The following INTS3 variants were observed in gnomAD, a reference collection of about 807,000 sequenced individuals.
INTS3 encodes the protein SOSS complex subunit A.
A neutral mutation model predicts 146.3 loss-of-function variants in INTS3; 34 were observed. The ratio of observed to expected loss-of-function variants is 0.23; its 90% CI spans 0.18 to 0.31. The LOEUF (loss-of-function observed/expected upper bound fraction) is 0.31. Ranked by LOEUF, INTS3 falls within the 10% of genes least tolerant of loss-of-function variation. The pLI, the probability that INTS3 is intolerant of heterozygous loss-of-function variation, is 1.00. For synonymous variants in INTS3, 475 were observed against 494.9 expected (o/e 0.96, Z 0.53); for missense variants, 757 against 1,304.2 (o/e 0.58, Z 6.46).
chr1:153,752,190 A>G (rs1671982912), intron 7 of INTS3, 89 bp from the exon 8 acceptor site: 2 of 1,288,402 alleles, frequency 1.6e-6, no homozygotes, highest in East Asian at 4.6e-5. Flanking sequence ...CCTCCCTAGA[A>G]CATGTTGTTC....
chr1:153,740,841 A>G (rs952683982), intron 2 of INTS3, 107 bp downstream of exon 2: 2 of 886,750 alleles, frequency 2.3e-6, no homozygotes, highest in East Asian at 2.4e-5. Context: ...ACTGAAATTC[A>G]TCAAGTCTTG....
In INTS3 at chr1:153,728,299, T is replaced by G; in HGVS notation, c.-336T>G. 1 of 383,640 alleles carries G rather than the reference T, an allele frequency of 2.6e-6. No individual in the cohort carries two copies. The highest frequency in any genetic ancestry group is 4.6e-6 in the Non-Finnish European group (1 of 217,064). 23.8% of individuals were successfully genotyped at this position (383,640 alleles called of 1,614,324 possible). ...AAACTTAGGGGTTTCCCTCCTTTCT[T>G]AGGGTCAGACGCTCTTAGGGTCCAC... On this transcript the variant is annotated 5_prime_UTR_variant, in exon 1 of 30. Transcript: ENST00000318967.
intron 8 of INTS3, 98 bp from the exon 9 acceptor site, chr1:153,754,542 ACT>A: frequency 1.2e-6 from 1 of 826,834 alleles, no homozygotes; most frequent in Non-Finnish European, 2.1e-6. Flanking sequence ...CGTGAGCAAG[ACT>A]ACTGGCCATC....
rs1672907172 is a variant in INTS3, at chr1:153,772,073, G to A, written c.2720+110G>A. On this transcript the variant is annotated intron_variant, in intron 26 of 29. Coordinates refer to ENST00000318967, the MANE Select transcript of INTS3 (RefSeq NM_023015.5). This position sits in a 1 kb window ranked among gnomAD's most constrained non-coding sequence, Gnocchi z 4.6. ...GGTGATGGGGGTCAGTGCTGTCCCA[G>A]CCTGGTTTGTGGGCGACATCTAGTG... is the stretch of plus-strand genomic sequence containing the variant. 1.0e-5 allele frequency: 13 copies of A among 1,246,274 alleles called. 1 individual carries two copies. The South Asian group carries it at 1.9e-4, about 18-fold the overall frequency. 77.2% of individuals were successfully genotyped at this position (1,246,274 alleles called of 1,614,324 possible).
intron 8 of INTS3, 121 bp downstream of exon 8, chr1:153,752,529 C>G: frequency 9.7e-7 from 1 of 1,033,422 alleles, no homozygotes. Flanking sequence ...ATTTAGGAAG[C>G]CTGGGACAGG....
At chr1:153,745,161 CTT>C (rs11438435) in intron 3 of INTS3, among the ~76,000 whole-genome samples, 11 of 138,792 alleles carry the variant, frequency 7.9e-5, no homozygotes, top group Non-Finnish European at 7.7e-5. Flanking sequence ...CCTTGCTGTA[CTT>C]TTTTTTTTTT....
intron 4 of INTS3, 92 bp from the exon 5 acceptor site, chr1:153,747,186 AT>A: frequency 7.6e-7 from 1 of 1,312,738 alleles, no homozygotes. Flanking sequence ...GTGTGTCTAA[AT>A]TGTAATGTGC....
chr1:153,745,567 G>T (rs79231005), intron 3 of INTS3, among the ~76,000 whole-genome samples: 1 of 151,750 alleles, frequency 6.6e-6, no homozygotes, highest in Admixed American at 6.6e-5. Context: ...AGATCCTGAC[G>T]GGATAGAACT....
At chr1:153,766,852 GCTAA>G (rs1314203293) in intron 20 of INTS3, 1 of 151,632 alleles carries the variant, frequency 6.6e-6, no homozygotes, top group African/African-American at 2.4e-5. Flanking sequence ...ACCACGCCCG[GCTAA>G]CTTTTTGTGT....
chr1:153,732,502 A>C (rs776891404), intron 1 of INTS3, among the ~76,000 whole-genome samples: 3 of 150,400 alleles, frequency 2.0e-5, no homozygotes, highest in Non-Finnish European at 4.4e-5. Flanking sequence ...CTGTAGTGCA[A>C]TGGCGTGATC....
At chr1:153,754,563 G>A in intron 8 of INTS3, 79 bp from the exon 9 acceptor site, 1 of 982,394 alleles carries the variant, frequency 1.0e-6, no homozygotes, top group Non-Finnish European at 1.7e-6. Flanking sequence ...TCAGTACCTG[G>A]CCCAGGTTCC....
At chr1:153,752,197 G>A in intron 7 of INTS3, 82 bp from the exon 8 acceptor site, 15 of 1,351,836 alleles carry the variant, frequency 1.1e-5, no homozygotes, top group Non-Finnish European at 1.6e-5. Context: ...AGAACATGTT[G>A]TTCCTTTGTC....
At position 153,764,948 on chromosome 1, in the gene INTS3, C is replaced by T. The variant is rs750939486; in HGVS notation, c.1975C>T (p.Leu659=). 4 of 1,614,016 alleles carry T rather than the reference C, an allele frequency of 2.5e-6. No individual in the cohort carries two copies. The highest frequency in any genetic ancestry group is 2.7e-5 in the African/African-American group (2 of 74,924). The stretch of plus-strand genomic sequence containing the variant: ...CCTCCCATGCCCCACCTCCAGGAAC[C>T]TATGTCAGATGCAGGAAGACAACAG... ...GKPLYLIFRN[L]CQMQEDNSSF... Residue 659 remains leucine, a synonymous_variant, in exon 20 of 30, where the codon CTA becomes TTA. Transcript: ENST00000318967.
chr1:153,735,455 T>C lies in INTS3; in HGVS notation c.151-5196T>C, dbSNP rs1282891213. On this transcript the variant is annotated intron_variant, in intron 1 of 29. Coordinates refer to ENST00000318967, the MANE Select transcript of INTS3 (RefSeq NM_023015.5). ...AGTGTGGAGGGTTCTTTCTATGTTA[T>C]GCTTCCTGTCAGTTTGCTTATTAGC... 3.3e-5 allele frequency among the ~76,000 whole-genome samples: 5 copies of C among 152,210 alleles called. No homozygotes were observed. In the East Asian group the frequency reaches 7.7e-4, roughly 23 times the overall value.
rs766946253 is a variant in INTS3, at chr1:153,762,783, T to C, written c.1572T>C (p.Asp524=). ...MEMDNHMSDK[D]ESCYDNAEAA... ...TGGACAACCATATGTCGGATAAGGA[T>C]GAGAGTTGCTATGACAATGCAGAGG... The change falls in exon 15 of 30, where the codon GAT becomes GAC. Residue 524 remains aspartate, a synonymous_variant. Coordinates refer to ENST00000318967, the MANE Select transcript of INTS3 (RefSeq NM_023015.5). 1 of 1,613,340 alleles carries C rather than the reference T, an allele frequency of 6.2e-7. No individual in the cohort carries two copies. Among genetic ancestry groups the C allele is most frequent in the South Asian group, 1.1e-5 (1 of 91,060 alleles).
chr1:153,768,152 G>T (rs1672670799), intron 21 of INTS3, among the ~76,000 whole-genome samples: 1 of 152,130 alleles, frequency 6.6e-6, no homozygotes, highest in Non-Finnish European at 1.5e-5. Context: ...TATGTCCCAG[G>T]CCCTCTTGTC....
At chr1:153,764,598 G>C in intron 18 of INTS3, 92 bp from the exon 19 acceptor site, 1 of 949,150 alleles carries the variant, frequency 1.1e-6, no homozygotes. Flanking sequence ...GGGTAGGGAA[G>C]GAGCAGGCTG....
At chr1:153,761,239 A>G in intron 13 of INTS3, 1 of 537,910 alleles carries the variant, frequency 1.9e-6, no homozygotes, top group Middle Eastern at 5.3e-4. Flanking sequence ...GGCCAGACAC[A>G]GTGGCTCATG....
At position 153,772,970 on chromosome 1, in the gene INTS3, C is replaced by T. The variant is rs1287565515; in HGVS notation, c.2940C>T (p.Ser980=). 1.2e-6 allele frequency: 2 copies of T among 1,614,054 alleles called. No individual in the cohort carries two copies. Among genetic ancestry groups the T allele is most frequent in the Non-Finnish European group, 1.7e-6 (2 of 1,180,042 alleles). Reference sequence around the variant, plus strand: ...TGGCGGAGGAATATGAGGACTCTTCCACCAAGCCACCCAAGAGCCGGCGAA... The same window carrying T: ...TGGCGGAGGAATATGAGGACTCTTCTACCAAGCCACCCAAGAGCCGGCGAA... ...FSLAEEYEDS[S]TKPPKSRRKA... Residue 980 remains serine, a synonymous_variant, in exon 29 of 30, where the codon TCC becomes TCT. Transcript: ENST00000318967. This position sits in a 1 kb window ranked among gnomAD's most constrained non-coding sequence, Gnocchi z 4.6.
Sources: allele counts gnomAD v4.1 joint callset (sites outside exome capture counted in the v4.1 genomes callset), GRCh38; gene constraint gnomAD v4.1.1; non-coding constraint Gnocchi (gnomAD v3.1); transcripts MANE v1.5; gene names NCBI Gene and HGNC (gene_info 2026-07-23, HGNC 2026-07-21).